The following ERC2 variants were observed in gnomAD, a reference collection of about 807,000 sequenced individuals.
ERC2 encodes ELKS/RAB6-interacting/CAST family member 2, also known as ERC protein 2.
In ERC2, 42 loss-of-function variants were observed where a neutral mutation model predicts 114.8. The ratio of observed to expected loss-of-function variants is 0.37; its 90% CI spans 0.29 to 0.47. ERC2 has a LOEUF of 0.47. Among genes scored for constraint, ERC2 ranks in the 20% least tolerant of loss-of-function variants. ERC2 has a pLI of 0.99. For missense variants in ERC2, 939 were observed against 1,150.7 expected (o/e 0.82, Z 2.66); for synonymous variants, 454 against 425.5 (o/e 1.07, Z -0.82).
chr3:55,730,082 T>G (rs193250812), intron 15 of ERC2, among the ~76,000 whole-genome samples: 2 of 152,222 alleles, frequency 1.3e-5, no homozygotes, highest in Non-Finnish European at 2.9e-5. Context: ...GGAACTGGGT[T>G]TCTCTGATGA....
At chr3:55,757,211 TC>T (rs2067119881) in intron 14 of ERC2, among the ~76,000 whole-genome samples, 1 of 152,132 alleles carries the variant, frequency 6.6e-6, no homozygotes, top group South Asian at 2.1e-4. Context: ...TTTGTGACAT[TC>T]CCCAGCTTTA....
At chr3:55,621,467 C>T (rs1292217092) in intron 17 of ERC2, among the ~76,000 whole-genome samples, 3 of 152,114 alleles carry the variant, frequency 2.0e-5, no homozygotes, top group African/African-American at 4.8e-5. Flanking sequence ...TGTGAAATAT[C>T]GCTTATCTAC....
At chr3:55,786,815 C>A (rs904299123) in intron 14 of ERC2, among the ~76,000 whole-genome samples, 1 of 152,046 alleles carries the variant, frequency 6.6e-6, no homozygotes, top group African/African-American at 2.4e-5. Context: ...GAGCTCTACC[C>A]AAGGACAATG....
intron 2 of ERC2, among the ~76,000 whole-genome samples, chr3:56,379,710 GA>G (rs1270619342): frequency 1.3e-4 from 20 of 152,274 alleles, no homozygotes; most frequent in African/African-American, 4.6e-4. Context: ...GTGCATATCA[GA>G]AAAGAATCAA....
At chr3:55,623,442 C>G (rs2059396671) in intron 17 of ERC2, among the ~76,000 whole-genome samples, 1 of 152,184 alleles carries the variant, frequency 6.6e-6, no homozygotes, top group Admixed American at 6.5e-5. Context: ...ATGTTCAGCT[C>G]TCTTATTCTT....
chr3:55,964,971 G>C (rs145395370), intron 12 of ERC2, among the ~76,000 whole-genome samples: 33 of 152,298 alleles, frequency 2.2e-4, no homozygotes, highest in Admixed American at 1.2e-3. Flanking sequence ...TTGATTCTTT[G>C]AGGCTAGCAG....
chr3:56,265,035 G>A (rs2053200778), intron 3 of ERC2, among the ~76,000 whole-genome samples: 1 of 152,170 alleles, frequency 6.6e-6, no homozygotes, highest in Non-Finnish European at 1.5e-5. Context: ...ACTATCCAAA[G>A]CAGTCTACAG....
chr3:56,278,093 G>A (rs1421294043), intron 3 of ERC2, among the ~76,000 whole-genome samples: 1 of 152,208 alleles, frequency 6.6e-6, no homozygotes, highest in South Asian at 2.1e-4. Context: ...TACATATCAA[G>A]AGGTTAGAAT....
At chr3:55,542,911 C>T (rs573298023) in intron 17 of ERC2, among the ~76,000 whole-genome samples, 1 of 152,288 alleles carries the variant, frequency 6.6e-6, no homozygotes, top group East Asian at 1.9e-4. Flanking sequence ...AGGTTCAGGT[C>T]TTCCTAAAAC....
chr3:56,214,573 G>T (rs1217069610), intron 3 of ERC2, among the ~76,000 whole-genome samples: 1 of 152,006 alleles, frequency 6.6e-6, no homozygotes, highest in Non-Finnish European at 1.5e-5. Flanking sequence ...CACTCTGCAG[G>T]ATATTATCCA....
chr3:55,711,752 C>G (rs1331671519), intron 15 of ERC2, among the ~76,000 whole-genome samples: 1 of 152,138 alleles, frequency 6.6e-6, no homozygotes, highest in African/African-American at 2.4e-5. Flanking sequence ...ATGCTTAAAA[C>G]AATATTTTTG....
rs184105559 is a variant in ERC2, at chr3:55,608,671, A to G, written c.*39+75123T>C. 4.0e-4 allele frequency among the ~76,000 whole-genome samples: 61 copies of G among 152,340 alleles called. 1 individual carries two copies. In the East Asian group the frequency reaches 0.011, roughly 27 times the overall value. On this transcript the variant is annotated intron_variant, in intron 17 of 17. Transcript: ENST00000288221. ...ACCTTGGCTTAAACACCCTTGCTTCATTTGGGGATCTCACTTCTAAATATA... is the reference window on the plus strand; with the variant it reads ...ACCTTGGCTTAAACACCCTTGCTTCGTTTGGGGATCTCACTTCTAAATATA...
intron 3 of ERC2, among the ~76,000 whole-genome samples, chr3:56,191,069 C>G (rs1002074769): frequency 6.6e-6 from 1 of 152,110 alleles, no homozygotes; most frequent in African/African-American, 2.4e-5. Flanking sequence ...CAGGTGGTCT[C>G]TTTAGCAAAA....
chr3:56,163,473 T>C (rs534163386), intron 4 of ERC2, among the ~76,000 whole-genome samples: 5 of 152,258 alleles, frequency 3.3e-5, no homozygotes, highest in South Asian at 4.1e-4. Flanking sequence ...GGTTTTGAAG[T>C]CTCCCACTAT....
intron 14 of ERC2, among the ~76,000 whole-genome samples, chr3:55,772,262 C>T (rs770219860): frequency 2.2e-4 from 33 of 152,196 alleles, no homozygotes; most frequent in Non-Finnish European, 3.2e-4. Context: ...CCTGTCTCAG[C>T]CTCCCAAGTA....
chr3:56,283,813 C>T (rs756297504), intron 3 of ERC2, among the ~76,000 whole-genome samples: 24 of 152,060 alleles, frequency 1.6e-4, no homozygotes, highest in Admixed American at 6.6e-4. Flanking sequence ...AAAAAGAAAG[C>T]GGCACAGATA....
chr3:55,925,043 C>G (rs2065666782), intron 13 of ERC2, among the ~76,000 whole-genome samples: 1 of 152,184 alleles, frequency 6.6e-6, no homozygotes, highest in Admixed American at 6.5e-5. Flanking sequence ...TTCCAACAAA[C>G]TGCTCAAACA....
intron 3 of ERC2, among the ~76,000 whole-genome samples, chr3:56,221,207 C>T (rs149915328): frequency 7.4e-4 from 112 of 152,018 alleles, no homozygotes; most frequent in Middle Eastern, 3.4e-3. Flanking sequence ...TACTATGATT[C>T]TCTTTTTCTC....
At chr3:56,063,904 TTAAATATACTCA>T (rs2076352575) in intron 7 of ERC2, among the ~76,000 whole-genome samples, 1 of 152,218 alleles carries the variant, frequency 6.6e-6, no homozygotes, top group East Asian at 1.9e-4. Flanking sequence ...TTCTATATCA[TTAAATATACTCA>T]TAAATATACT....
Sources: allele counts gnomAD v4.1 joint callset (sites outside exome capture counted in the v4.1 genomes callset), GRCh38; gene constraint gnomAD v4.1.1; transcripts MANE v1.5; gene names NCBI Gene and HGNC (gene_info 2026-07-23, HGNC 2026-07-21).